UROS: variants seen among roughly 807,000 people sequenced by gnomAD.
UROS encodes the protein uroporphyrinogen III synthase, also known as uroporphyrinogen-III synthase.
UROS carries 18 observed loss-of-function variants against 33.0 expected under a neutral mutation model. The ratio of observed to expected loss-of-function variants is 0.55; its 90% CI spans 0.38 to 0.81. The LOEUF is 0.81. UROS is among the 30% of genes least tolerant of loss of function. UROS has a pLI of 0.00. For missense variants in UROS, 293 were observed against 314.9 expected (o/e 0.93, Z 0.53); for synonymous variants, 114 against 121.1 (o/e 0.94, Z 0.38).
chr10:125,795,079 C>A (rs1301680784), intron 8 of UROS, 101 bp from the exon 9 acceptor site: 4 of 1,181,064 alleles, frequency 3.4e-6, no homozygotes, highest in Non-Finnish European at 3.8e-6. Context: ...CACAGGCCAC[C>A]AAGGCGGTTT....
chr10:125,794,841 A>C (rs1006109209), intron 9 of UROS, 39 bp downstream of exon 9: 2 of 1,540,542 alleles, frequency 1.3e-6, no homozygotes, highest in Non-Finnish European at 1.8e-6. Flanking sequence ...AAAAAAAAAA[A>C]GAATCTGAAA....
chr10:125,815,485 C>A (rs1853236224), intron 3 of UROS, among the ~76,000 whole-genome samples: 2 of 152,132 alleles, frequency 1.3e-5, no homozygotes, highest in African/African-American at 4.8e-5. Context: ...TGACCCGAAT[C>A]TGTAATAAAA....
At chr10:125,797,266 G>A (rs560403573) in intron 7 of UROS, among the ~76,000 whole-genome samples, 1 of 152,306 alleles carries the variant, frequency 6.6e-6, no homozygotes, top group African/African-American at 2.4e-5. Context: ...AACAGTCATA[G>A]TTCCATGGAG....
intron 6 of UROS, 100 bp from the exon 7 acceptor site, chr10:125,798,245 C>G (rs1484619163): frequency 1.6e-6 from 2 of 1,234,614 alleles, no homozygotes; most frequent in African/African-American, 1.5e-5. Context: ...CAGCCCTGGG[C>G]TCCAGGCCTG....
intron 9 of UROS, among the ~76,000 whole-genome samples, chr10:125,790,820 G>A (rs1330006591): frequency 8.1e-5 from 12 of 148,824 alleles, no homozygotes; most frequent in Admixed American, 2.0e-4. Flanking sequence ...GCCAGGCGCC[G>A]TGGCTCATGC....
In UROS at chr10:125,798,077, G is replaced by A. The variant is rs1851516252; in HGVS notation, c.463C>T (p.Leu155Phe). ...GCATTCTACTCGCCTTTGTCCTTGA[G>A]CGCTTTTGGCAGGATTTCTCTTTTG... ...NLKREILPKA[L>F]KDKGIAMESI... The change falls in exon 7 of 10, where the codon CTC becomes TTC. Residue 155 changes from leucine (L) to phenylalanine (F), a missense_variant. By Grantham distance (22) the Leu-to-Phe change is conservative. Transcript: ENST00000368797. The A allele has an allele frequency of 1.9e-6, 3 of 1,614,066 alleles. No individual in the cohort carries two copies. Among genetic ancestry groups the A allele is most frequent in the African/African-American group, 2.7e-5 (2 of 75,054 alleles).
chr10:125,803,921 CAG>C (rs759636032), intron 6 of UROS, among the ~76,000 whole-genome samples: 6 of 152,244 alleles, frequency 3.9e-5, no homozygotes, highest in Non-Finnish European at 8.8e-5. Context: ...GCCTTTTGTA[CAG>C]ACTTTCCTGA....
chr10:125,816,661 A>C, intron 1 of UROS, 136 bp from the exon 2 acceptor site: 2 of 807,654 alleles, frequency 2.5e-6, no homozygotes, highest in Non-Finnish European at 2.1e-6. Flanking sequence ...ACCATGACTT[A>C]GCACTAATGG....
intron 6 of UROS, among the ~76,000 whole-genome samples, chr10:125,800,046 G>A (rs75029113): frequency 9.1e-4 from 138 of 152,250 alleles, no homozygotes; most frequent in Admixed American, 2.9e-3. Flanking sequence ...TGGGCTGTCC[G>A]GGCTGATGAT....
intron 6 of UROS, among the ~76,000 whole-genome samples, chr10:125,800,018 G>C (rs1265252262): frequency 6.6e-6 from 1 of 152,170 alleles, no homozygotes; most frequent in African/African-American, 2.4e-5. Flanking sequence ...CGTTTAACAG[G>C]AAGAAGGCCT....
Position 125,795,153 on chromosome 10 carries a change from A to G in UROS, c.562-175T>C, listed in dbSNP as rs1851251436. On this transcript the variant is annotated intron_variant, in intron 8 of 9. Coordinates refer to ENST00000368797, the MANE Select transcript of UROS (RefSeq NM_000375.3). ...TGCTCCAGTGAGGCAGGATTCTGGT[A>G]GGGAACTGTTGGAAAGAGCAGGCTG... is the stretch of plus-strand genomic sequence containing the variant. 1.9e-5 allele frequency: 13 copies of G among 672,878 alleles called. No individual in the cohort carries two copies. The South Asian group carries it at 2.1e-4, about 11-fold the overall frequency. The allele number at this position is 672,878 out of a possible 1,614,324, so 41.7% of individuals were successfully genotyped here.
intron 9 of UROS, among the ~76,000 whole-genome samples, chr10:125,790,251 C>G (rs943020931): frequency 7.2e-5 from 11 of 152,126 alleles, no homozygotes; most frequent in Non-Finnish European, 2.9e-5. Flanking sequence ...TGGACCCCTA[C>G]CTCACACAAC....
At chr10:125,817,774 G>A (rs1463191877) in intron 1 of UROS, among the ~76,000 whole-genome samples, 1 of 152,104 alleles carries the variant, frequency 6.6e-6, no homozygotes, top group Non-Finnish European at 1.5e-5. Flanking sequence ...GCAGAGCTGG[G>A]ATTCACACCC....
intron 6 of UROS, among the ~76,000 whole-genome samples, chr10:125,799,478 G>C (rs1232255095): frequency 1.3e-5 from 2 of 152,188 alleles, no homozygotes; most frequent in Non-Finnish European, 2.9e-5. Context: ...GAGAACTACA[G>C]TCCAGTTTTT....
intron 4 of UROS, 78 bp downstream of exon 4, chr10:125,814,956 T>G: frequency 6.6e-7 from 1 of 1,506,284 alleles, no homozygotes; most frequent in Non-Finnish European, 9.1e-7. Context: ...GTGCAGCTGC[T>G]TCTGGAATTT....
chr10:125,794,799 T>C (rs1192616026), intron 9 of UROS, 81 bp downstream of exon 9: 46 of 1,365,796 alleles, frequency 3.4e-5, no homozygotes, highest in Non-Finnish European at 3.8e-5. Context: ...TCACTTGACA[T>C]TGAAGCCCTA....
intron 6 of UROS, chr10:125,802,277 T>G (rs1290227246): frequency 1.4e-5 from 14 of 985,570 alleles, no homozygotes; most frequent in Non-Finnish European, 1.4e-5. Flanking sequence ...TGGGGCCACA[T>G]GGCACGGGGC....
intron 6 of UROS, among the ~76,000 whole-genome samples, chr10:125,800,142 A>G (rs1403426071): frequency 6.6e-6 from 1 of 152,166 alleles, no homozygotes; most frequent in Non-Finnish European, 1.5e-5. Flanking sequence ...GGCAATTAAG[A>G]AAATGATGAT....
chr10:125,817,738 A>T (rs1853471709), intron 1 of UROS, among the ~76,000 whole-genome samples: 1 of 152,166 alleles, frequency 6.6e-6, no homozygotes, highest in Non-Finnish European at 1.5e-5. Context: ...GATGACACTC[A>T]TCCAAAGTCT....
Sources: allele counts gnomAD v4.1 joint callset (sites outside exome capture counted in the v4.1 genomes callset), GRCh38; gene constraint gnomAD v4.1.1; transcripts MANE v1.5; gene names NCBI Gene and HGNC (gene_info 2026-07-23, HGNC 2026-07-21).